Variants in SMG5 observed in about 807,000 individuals in gnomAD.
The protein encoded by SMG5 is SMG5 nonsense mediated mRNA decay factor.
Under a neutral mutation model 122.9 loss-of-function variants are expected in SMG5, and 53 were observed. That is an observed-to-expected ratio of 0.43 (90% CI 0.35 to 0.54). The LOEUF (loss-of-function observed/expected upper bound fraction) is 0.54. Among genes scored for constraint, SMG5 ranks in the 20% least tolerant of loss-of-function variants. The pLI is 0.01. For missense variants in SMG5, 1,153 were observed against 1,285.6 expected (o/e 0.90, Z 1.58); for synonymous variants, 477 against 490.2 (o/e 0.97, Z 0.35).
chr1:156,266,118 C>T lies in SMG5; in HGVS notation c.1518G>A (p.Thr506=), dbSNP rs746283590. 13 of 1,614,238 alleles carry T rather than the reference C, an allele frequency of 8.1e-6. No homozygotes were observed. Among genetic ancestry groups the T allele is most frequent in the South Asian group, 4.4e-5 (4 of 91,088 alleles). The change falls in exon 12 of 22, where the codon ACG becomes ACA. Residue 506 remains threonine (T), a synonymous_variant. Coordinates refer to ENST00000361813, the MANE Select transcript of SMG5 (RefSeq NM_015327.3). ...GSDKSLEGGG[T]AFDAETDSEM... is the part of the protein sequence containing the mutation. ...CCGAGTCTGTTTCAGCATCAAAGGCCGTTCCCCCACCTTCAAGACTCTTGT... is the reference window on the plus strand; with the variant it reads ...CCGAGTCTGTTTCAGCATCAAAGGCTGTTCCCCCACCTTCAAGACTCTTGT...
rs773567646 is a variant in SMG5 at position 156,268,131 on chromosome 1, G to A, written c.892C>T (p.Leu298=). 3.1e-6 allele frequency: 5 copies of A among 1,613,996 alleles called. No individual in the cohort carries two copies. The East Asian group carries it at 1.1e-4, about 36-fold the overall frequency. The change falls in exon 9 of 22, where the codon CTA becomes TTA. Residue 298 remains leucine (L), a synonymous_variant. Coordinates refer to ENST00000361813, the MANE Select transcript of SMG5 (RefSeq NM_015327.3). The stretch of plus-strand genomic sequence containing the variant: ...TCCACTCACCTGCTTTTGGGCTGTA[G>A]GAGGCTTTGCAGATACATAAAGTTC... The part of the protein sequence containing the change: ...LVNFMYLQSL[L]QPKSSSVDSE...
In SMG5 at chr1:156,267,594, G is replaced by A; in HGVS notation, c.993C>T (p.Pro331=). The part of the protein sequence containing the change: ...NLCLFYLPSS[P]NLSLASEDEE... The stretch of plus-strand genomic sequence containing the variant: ...CATCCTCACTGGCCAGGCTGAGGTT[G>A]GGTGAGGAGGGCAGGTAGAAGAGGC... The change falls in exon 10 of 22, where the codon CCC becomes CCT. Residue 331 remains proline, a synonymous_variant. Coordinates refer to ENST00000361813, the MANE Select transcript of SMG5 (RefSeq NM_015327.3). The A allele has an allele frequency of 6.2e-7, 1 of 1,614,036 alleles. No individual in the cohort carries two copies. The highest frequency in any genetic ancestry group is 1.1e-5 in the South Asian group (1 of 91,070).
At chr1:156,265,641 T>C (rs1036055578) in intron 12 of SMG5, 140 bp downstream of exon 12, 9 of 1,287,798 alleles carry the variant, frequency 7.0e-6, no homozygotes, top group Admixed American at 4.6e-5. Flanking sequence ...AAAAAACTCA[T>C]GGGCTACACC....
chr1:156,280,300 A>G (rs561057874), intron 1 of SMG5, among the ~76,000 whole-genome samples: 1 of 152,348 alleles, frequency 6.6e-6, no homozygotes, highest in East Asian at 1.9e-4. Flanking sequence ...CAGAGTGAAG[A>G]TTCCCAAACA....
At chr1:156,283,922 T>G (rs1274995831), upstream of SMG5, among the ~76,000 whole-genome samples, 3 of 152,232 alleles carry the variant, frequency 2.0e-5, no homozygotes, top group Non-Finnish European at 2.9e-5. Flanking sequence ...CAATAGAACA[T>G]AAGCTTCTCA....
chr1:156,291,250 G>T, the SMG5 span: 1 of 698,536 alleles, frequency 1.4e-6, no homozygotes. Flanking sequence ...ATAAACTTTG[G>T]CTGTATTTGG....
chr1:156,285,578 G>T, upstream of SMG5: 2 of 1,614,222 alleles, frequency 1.2e-6, no homozygotes, highest in Non-Finnish European at 1.7e-6. Context: ...CGAAGACGAT[G>T]CCAACCTGCT....
At position 156,253,626 on chromosome 1, in the gene SMG5, A is replaced by G. The variant is rs949836025; in HGVS notation, c.2443-118T>C. 6 of 879,686 alleles carry G rather than the reference A, an allele frequency of 6.8e-6. No individual in the cohort carries two copies. In the African/African-American group the frequency reaches 9.8e-5, roughly 14 times the overall value. The allele number at this position is 879,686 out of a possible 1,614,324, so 54.5% of individuals were successfully genotyped here. On this transcript the variant is annotated intron_variant, in intron 16 of 21. Transcript: ENST00000361813. Reference sequence around the variant, plus strand: ...GTGACCTCATGCAAAGTCACTCTCTAGCACTGCTGCTGAATGAGGGGAGGA... The same window carrying G: ...GTGACCTCATGCAAAGTCACTCTCTGGCACTGCTGCTGAATGAGGGGAGGA...
intron 4 of SMG5, among the ~76,000 whole-genome samples, chr1:156,275,157 A>G (rs903320824): frequency 1.5e-4 from 23 of 151,718 alleles, no homozygotes; most frequent in Non-Finnish European, 2.5e-4. Flanking sequence ...AAAAGCAAAA[A>G]CAACGACAAC....
the SMG5 span, among the ~76,000 whole-genome samples, chr1:156,288,591 GCCAC>G: frequency 6.6e-6 from 1 of 151,982 alleles, no homozygotes; most frequent in African/African-American, 2.4e-5. Context: ...ACCCATCTTG[GCCAC>G]CCAAAGTGCT....
intron 19 of SMG5, 82 bp downstream of exon 19, chr1:156,252,332 G>C: frequency 7.5e-7 from 1 of 1,333,800 alleles, no homozygotes; most frequent in East Asian, 2.3e-5. Flanking sequence ...CTTACCCATA[G>C]GGAGCAAGGG....
rs1286008913 is a variant in SMG5 at position 156,249,715 on chromosome 1, A to G, written c.*872T>C. 1 of 469,018 alleles carries G rather than the reference A, an allele frequency of 2.1e-6. No homozygotes were observed. Among genetic ancestry groups the G allele is most frequent in the African/African-American group, 2.0e-5 (1 of 49,978 alleles). The allele number at this position is 469,018 out of a possible 1,614,324, so 29.1% of individuals were successfully genotyped here. A position where few individuals can be genotyped will look rare whatever the true frequency, so the allele number is the denominator to read the frequency against. Reference sequence around the variant, plus strand: ...GGCCCCTTGTCTTCAGCCCTCCCTTAGATAGGAAGGGGGGTGGTGGCCTCA... The same window carrying G: ...GGCCCCTTGTCTTCAGCCCTCCCTTGGATAGGAAGGGGGGTGGTGGCCTCA... On this transcript the variant is annotated 3_prime_UTR_variant, in exon 22 of 22. Transcript: ENST00000361813.
At chr1:156,281,606 A>T (rs1662945401) in intron 1 of SMG5, among the ~76,000 whole-genome samples, 1 of 151,982 alleles carries the variant, frequency 6.6e-6, no homozygotes, top group Non-Finnish European at 1.5e-5. Flanking sequence ...CATGCTCTTG[A>T]CTCTTTCACC....
At chr1:156,272,767 G>A (rs1662493050) in intron 6 of SMG5, among the ~76,000 whole-genome samples, 1 of 151,968 alleles carries the variant, frequency 6.6e-6, no homozygotes, top group Non-Finnish European at 1.5e-5. Context: ...TAGTAGAGAC[G>A]AGGTTTCACC....
At chr1:156,264,911 A>T (rs1447724958) in intron 12 of SMG5, among the ~76,000 whole-genome samples, 1 of 152,058 alleles carries the variant, frequency 6.6e-6, no homozygotes, top group Non-Finnish European at 1.5e-5. Flanking sequence ...CTCTAGTCCC[A>T]GCTACTTGGG....
At chr1:156,260,937 T>A (rs762508804) in intron 14 of SMG5, among the ~76,000 whole-genome samples, 10 of 152,322 alleles carry the variant, frequency 6.6e-5, no homozygotes, top group Non-Finnish European at 1.2e-4. Context: ...TTGGCAAGTC[T>A]TAGCAGGTAG....
intron 1 of SMG5, among the ~76,000 whole-genome samples, chr1:156,281,616 CG>C (rs1662946599): frequency 6.6e-6 from 1 of 152,200 alleles, no homozygotes; most frequent in Non-Finnish European, 1.5e-5. Flanking sequence ...ACTCTTTCAC[CG>C]CCAAAATGTG....
chr1:156,261,250 G>T (rs1661810527), intron 14 of SMG5, 83 bp downstream of exon 14: 2 of 1,332,786 alleles, frequency 1.5e-6, no homozygotes, highest in Non-Finnish European at 2.2e-6. Context: ...TACCCCAAGG[G>T]CTGGGTTATG....
the SMG5 span, chr1:156,290,038 T>C: frequency 6.6e-6 from 1 of 152,212 alleles, no homozygotes; most frequent in African/African-American, 2.4e-5. Context: ...ACCCTTGGAA[T>C]CTTAGTTTCT....
Sources: gnomAD v4.1 joint callset for allele counts (sites outside exome capture counted in the v4.1 genomes callset) on GRCh38, gnomAD v4.1.1 for gene constraint, MANE v1.5 for transcripts, NCBI Gene and HGNC (gene_info 2026-07-23, HGNC 2026-07-21) for gene names.